Variants in ZC4H2 observed in about 807,000 individuals in gnomAD.
The protein encoded by ZC4H2 is zinc finger C4H2-type containing, also known as zinc finger C4H2 domain-containing protein.
For synonymous variants in ZC4H2, 84 were observed against 66.3 expected (o/e 1.27, Z -1.30); for missense variants, 137 against 173.9 (o/e 0.79, Z 1.19).
At chrX:65,032,782 T>TTCCTTCC (rs1932951217) in intron 1 of ZC4H2, among the ~76,000 whole-genome samples, 3 of 63,169 alleles carry the variant, frequency 4.7e-5, no homozygotes, top group African/African-American at 1.5e-4. Context: ...TCCTTCCTTC[T>TTCCTTCC]TTCTTTTTTT....
At chrX:65,005,862 A>G (rs546959469) in intron 1 of ZC4H2, among the ~76,000 whole-genome samples, 1 of 109,404 alleles carries the variant, frequency 9.1e-6, no homozygotes. Flanking sequence ...CACATTTAGA[A>G]AAAAAAAAAG....
chrX:65,016,679 A>G (rs910746745), intron 1 of ZC4H2, among the ~76,000 whole-genome samples: 38 of 111,896 alleles, frequency 3.4e-4, no homozygotes, highest in African/African-American at 1.2e-3. Flanking sequence ...CTGAGAACAG[A>G]ACAATTAAAA....
At chrX:65,008,630 C>A (rs976109411) in intron 1 of ZC4H2, among the ~76,000 whole-genome samples, 1 of 112,181 alleles carries the variant, frequency 8.9e-6, no homozygotes, top group South Asian at 3.7e-4. Flanking sequence ...TATTATTCAA[C>A]CATAAAAAAG....
intron 1 of ZC4H2, among the ~76,000 whole-genome samples, chrX:64,951,645 G>T (rs1930843375): frequency 1.8e-5 from 2 of 111,643 alleles, no homozygotes; most frequent in Non-Finnish European, 3.8e-5. Flanking sequence ...TTTTGATGGG[G>T]TTGTTTGTTT....
At chrX:64,938,415 A>G (rs1421942327) in intron 1 of ZC4H2, among the ~76,000 whole-genome samples, 2 of 111,783 alleles carry the variant, frequency 1.8e-5, no homozygotes. Context: ...AAAAGAGGGA[A>G]TACTCTCTAA....
At chrX:64,931,377 C>T (rs921173250) in intron 1 of ZC4H2, among the ~76,000 whole-genome samples, 4 of 110,916 alleles carry the variant, frequency 3.6e-5, no homozygotes, top group African/African-American at 9.8e-5. Context: ...CTTGTTATTT[C>T]TTTTCTTCTG....
Position 64,918,992 on chromosome X carries a change from C to A in ZC4H2, c.561+50G>T. The A allele has an allele frequency of 8.9e-7, 1 of 1,129,268 alleles. No homozygotes were observed. Among genetic ancestry groups the A allele is most frequent in the Non-Finnish European group, 1.2e-6 (1 of 854,265 alleles). The allele number at this position is 1,129,268 out of a possible 1,213,427, so 93.1% of individuals were successfully genotyped here. Reference sequence around the variant, plus strand: ...CCAGAACTAGCCTTCCACGGCCCTTCCATGGGAGGATACTTTGCTTCCTCC... The same window carrying A: ...CCAGAACTAGCCTTCCACGGCCCTTACATGGGAGGATACTTTGCTTCCTCC... On this transcript the variant is annotated intron_variant, in intron 4 of 4. Coordinates refer to ENST00000374839, the MANE Select transcript of ZC4H2 (RefSeq NM_018684.4).
intron 1 of ZC4H2, among the ~76,000 whole-genome samples, chrX:64,944,134 C>CT (rs1004681823): frequency 1.0e-5 from 1 of 98,350 alleles, no homozygotes; most frequent in African/African-American, 4.1e-5. Flanking sequence ...AAATTTTTTT[C>CT]TTTTTTCTTT....
chrX:65,025,332 G>A (rs1024251770), intron 1 of ZC4H2, among the ~76,000 whole-genome samples: 1 of 109,547 alleles, frequency 9.1e-6, no homozygotes, highest in African/African-American at 3.3e-5. Context: ...ATATTTGGTA[G>A]AGACTAGGTC....
intron 1 of ZC4H2, among the ~76,000 whole-genome samples, chrX:64,968,939 T>C (rs191375550): frequency 8.9e-6 from 1 of 111,974 alleles, no homozygotes; most frequent in East Asian, 2.8e-4. Flanking sequence ...AGATGGCACC[T>C]TGTTGCTGCA....
At position 64,930,613 on chromosome X, in the gene ZC4H2, T is replaced by C. The variant is rs1039943014; in HGVS notation, c.54-8625A>G. Among the ~76,000 whole-genome samples, 36 of 112,344 alleles carry C rather than the reference T, an allele frequency of 3.2e-4. No individual in the cohort carries two copies. The Admixed American group carries it at 3.4e-3, about 11-fold the overall frequency. On this transcript the variant is annotated intron_variant, in intron 1 of 4. Coordinates refer to ENST00000374839, the MANE Select transcript of ZC4H2 (RefSeq NM_018684.4). Reference sequence around the variant, plus strand: ...TTATCAGATGCTTTTTCTGCATCTATTGAGCTAATCATATGATTTTTTATT... The same window carrying C: ...TTATCAGATGCTTTTTCTGCATCTACTGAGCTAATCATATGATTTTTTATT...
At chrX:65,016,937 GT>G (rs1355353929) in intron 1 of ZC4H2, among the ~76,000 whole-genome samples, 1 of 112,136 alleles carries the variant, frequency 8.9e-6, no homozygotes, top group African/African-American at 3.2e-5. Flanking sequence ...CAGCTGCCTG[GT>G]CTGTAGTCTA....
chrX:64,992,981 C>G (rs1932338655), intron 1 of ZC4H2, among the ~76,000 whole-genome samples: 1 of 111,196 alleles, frequency 9.0e-6, no homozygotes, highest in Admixed American at 9.6e-5. Flanking sequence ...GATGTCACAT[C>G]AGGTATTGGA....
chrX:64,928,632 C>CTT (rs1929543668), intron 1 of ZC4H2, among the ~76,000 whole-genome samples: 80 of 83,339 alleles, frequency 9.6e-4, no homozygotes, highest in African/African-American at 3.8e-3. Context: ...CCTGCTTTCT[C>CTT]CTTCTTCTTC....
At chrX:64,936,075 T>G (rs1047673195) in intron 1 of ZC4H2, among the ~76,000 whole-genome samples, 67 of 109,587 alleles carry the variant, frequency 6.1e-4, no homozygotes, top group African/African-American at 2.2e-3. Context: ...GAGAAGAACA[T>G]AAATGACCTG....
intron 1 of ZC4H2, among the ~76,000 whole-genome samples, chrX:64,935,205 C>A (rs1331321260): frequency 8.9e-6 from 1 of 111,758 alleles, no homozygotes; most frequent in African/African-American, 3.3e-5. Context: ...TGTAAAGAAG[C>A]CTCAGGGAAG....
Position 64,917,895 on chromosome X carries a change from G to T in ZC4H2, c.563C>A (p.Ala188Asp). 1 of 1,206,693 alleles carries T rather than the reference G, an allele frequency of 8.3e-7. No individual in the cohort carries two copies. The highest frequency in any genetic ancestry group is 1.8e-5 in the South Asian group (1 of 55,844). The part of the protein sequence containing the change: ...TFRQQPPPMK[A>D]CLSCHQQIHR... ...AATTTGCTGGTGACATGACAAGCAG[G>T]CCTGGTGAGGGACACAGGAAAAAGA... is the stretch of plus-strand genomic sequence containing the variant. The change falls in exon 5 of 5, where the codon GCC (alanine) becomes GAC (aspartate). Residue 188 changes from alanine (A) to aspartate (D), a missense_variant and splice_region_variant. By Grantham distance (126) the Ala-to-Asp change is moderately radical (BLOSUM62 -2). Transcript: ENST00000374839.
At chrX:65,007,834 A>G (rs1468787134) in intron 1 of ZC4H2, among the ~76,000 whole-genome samples, 1 of 112,066 alleles carries the variant, frequency 8.9e-6, no homozygotes, top group African/African-American at 3.2e-5. Context: ...ATATTCAAAT[A>G]TAAGACCTGA....
intron 1 of ZC4H2, among the ~76,000 whole-genome samples, chrX:65,025,170 T>TCAC (rs1274464069): frequency 1.1e-5 from 1 of 90,384 alleles, no homozygotes; most frequent in South Asian, 5.5e-4. Flanking sequence ...TTTTTTTGAG[T>TCAC]CACGGTCTCG....
Sources: allele counts gnomAD v4.1 joint callset (sites outside exome capture counted in the v4.1 genomes callset), GRCh38; gene constraint gnomAD v4.1.1; transcripts MANE v1.5; gene names NCBI Gene and HGNC (gene_info 2026-07-23, HGNC 2026-07-21).